The following FAT3 variants were observed in gnomAD, a reference collection of about 807,000 sequenced individuals.
The protein encoded by FAT3 is protocadherin Fat 3.
FAT3 carries 95 observed loss-of-function variants against 310.2 expected under a neutral mutation model. That is an observed-to-expected ratio of 0.31 (90% CI 0.26 to 0.36). The LOEUF (loss-of-function observed/expected upper bound fraction) is 0.36. Ranked by LOEUF, FAT3 falls within the 10% of genes least tolerant of loss-of-function variation. FAT3 has a pLI of 1.00. For synonymous variants in FAT3, 2,314 were observed against 2,192.9 expected (o/e 1.06, Z -1.54); for missense variants, 5,408 against 5,715.6 (o/e 0.95, Z 1.74).
At chr11:92,830,130 A>G (rs1236823904) in intron 13 of FAT3, among the ~76,000 whole-genome samples, 1 of 152,244 alleles carries the variant, frequency 6.6e-6, no homozygotes, top group Admixed American at 6.5e-5. Context: ...AAGGGTATTT[A>G]GGATCAGAAT....
At chr11:92,389,771 T>C (rs1245768120) in intron 2 of FAT3, among the ~76,000 whole-genome samples, 1 of 152,092 alleles carries the variant, frequency 6.6e-6, no homozygotes, top group Non-Finnish European at 1.5e-5. Context: ...ATCACATGAG[T>C]GTCAGGGTAC....
At chr11:92,571,906 G>A (rs997671842) in intron 3 of FAT3, among the ~76,000 whole-genome samples, 7 of 152,176 alleles carry the variant, frequency 4.6e-5, no homozygotes, top group South Asian at 2.1e-4. Flanking sequence ...GGGATGTAGC[G>A]TTTTTGCACT....
At chr11:92,842,930 A>G (rs746000659) in intron 18 of FAT3, among the ~76,000 whole-genome samples, 29 of 152,164 alleles carry the variant, frequency 1.9e-4, no homozygotes, top group Admixed American at 4.6e-4. Context: ...CACATGAAAC[A>G]TCAAGTACTA....
At chr11:92,839,462 T>G (rs1236001655) in intron 17 of FAT3, among the ~76,000 whole-genome samples, 1 of 152,234 alleles carries the variant, frequency 6.6e-6, no homozygotes, top group African/African-American at 2.4e-5. Context: ...AAAAGGACAC[T>G]TGTGAAAAGG....
At chr11:92,452,580 C>T (rs1380734068) in intron 2 of FAT3, among the ~76,000 whole-genome samples, 1 of 152,116 alleles carries the variant, frequency 6.6e-6, no homozygotes, top group African/African-American at 2.4e-5. Context: ...TAAAGTACTA[C>T]AATGGGACCA....
Position 92,831,640 on chromosome 11 carries a change from T to C in FAT3, c.9500T>C (p.Val3167Ala). 6 of 1,612,622 alleles carry C rather than the reference T, an allele frequency of 3.7e-6. No individual in the cohort carries two copies. Among genetic ancestry groups the C allele is most frequent in the Non-Finnish European group, 5.1e-6 (6 of 1,179,576 alleles). Residue 3167 changes from valine (V) to alanine (A), a missense_variant, in exon 14 of 28, where the codon GTG becomes GCG. This residue lies in a region of FAT3 where 4,588 missense variants were observed against 4,809.8 expected (regional missense o/e 0.95). Transcript: ENST00000525166. ...CCCACAGGCATCAATAGGAAGGTCG[T>C]GTACTCCCTGGCAGACTCAGCTGGT... The part of the protein sequence containing the change: ...DPDIGINRKV[V>A]YSLADSAGGV...
intron 1 of FAT3, among the ~76,000 whole-genome samples, chr11:92,298,667 T>C (rs940022179): frequency 1.3e-5 from 2 of 152,118 alleles, no homozygotes; most frequent in African/African-American, 2.4e-5. Flanking sequence ...TAACCCATCA[T>C]ATTAGTAAAG....
At chr11:92,456,565 G>A (rs1273614426) in intron 2 of FAT3, among the ~76,000 whole-genome samples, 1 of 152,208 alleles carries the variant, frequency 6.6e-6, no homozygotes, top group Non-Finnish European at 1.5e-5. Context: ...GATGAACAAG[G>A]TGTGGTGGTG....
intron 1 of FAT3, among the ~76,000 whole-genome samples, chr11:92,305,521 G>A (rs1264597350): frequency 6.6e-6 from 1 of 152,028 alleles, no homozygotes; most frequent in Non-Finnish European, 1.5e-5. Flanking sequence ...TAAGCTAAAA[G>A]GAGAAAATAG....
At chr11:92,425,230 C>T (rs1387112513) in intron 2 of FAT3, among the ~76,000 whole-genome samples, 1 of 151,872 alleles carries the variant, frequency 6.6e-6, no homozygotes, top group Non-Finnish European at 1.5e-5. Flanking sequence ...TTTTTCTGGT[C>T]GCTTTTGAAT....
intron 2 of FAT3, among the ~76,000 whole-genome samples, chr11:92,448,894 C>T (rs1389528269): frequency 6.6e-6 from 1 of 152,170 alleles, no homozygotes; most frequent in Non-Finnish European, 1.5e-5. Context: ...CTACAAGGCT[C>T]ACAGATGTTG....
Position 92,355,327 on chromosome 11 carries a change from C to A in FAT3, c.3215C>A (p.Ser1072Tyr). The change falls in exon 2 of 28, where the codon TCC becomes TAC. Residue 1072 changes from serine to tyrosine, a missense_variant. By Grantham distance (144) the Ser-to-Tyr change is moderately radical. Around this residue, in one of 5 missense-constraint regions of FAT3, gnomAD observed 4,588 missense variants for 4,809.8 expected, o/e 0.95. Coordinates refer to ENST00000525166, the MANE Select transcript of FAT3 (RefSeq NM_001367949.2). The part of the protein sequence containing the change: ...VLQVTARDED[S>Y]GRDGEIQYSI... ...CAGGTGACTGCTCGAGATGAAGACT[C>A]CGGAAGGGATGGAGAGATCCAGTAC... 1 of 1,613,696 alleles carries A rather than the reference C, an allele frequency of 6.2e-7. No homozygotes were observed. Among genetic ancestry groups the A allele is most frequent in the Non-Finnish European group, 8.5e-7 (1 of 1,179,830 alleles).
chr11:92,854,728 T>G (rs906180338), intron 19 of FAT3, among the ~76,000 whole-genome samples: 5 of 152,090 alleles, frequency 3.3e-5, no homozygotes, highest in Non-Finnish European at 7.3e-5. Flanking sequence ...TATCTGGCCC[T>G]TTTTTCCCCC....
At position 92,447,371 on chromosome 11, in the gene FAT3, C is replaced by CT. The variant is rs201289089; in HGVS notation, c.3293-77254dup. On this transcript the variant is annotated intron_variant, in intron 2 of 27. Transcript: ENST00000525166. ...GTTACTTAATCTGCTGGAGTCATAC[C>CT]TTTTTTTTTCCTGTAAGATGAGAAC... 4.0e-5 allele frequency among the ~76,000 whole-genome samples: 6 copies of CT among 150,858 alleles called. No individual in the cohort carries two copies. The South Asian group carries it at 6.3e-4, about 16-fold the overall frequency.
chr11:92,603,223 C>T (rs1940114276), intron 3 of FAT3, among the ~76,000 whole-genome samples: 1 of 152,178 alleles, frequency 6.6e-6, no homozygotes, highest in Non-Finnish European at 1.5e-5. Context: ...CCCCTCTACA[C>T]TGTGGCTGCT....
intron 3 of FAT3, among the ~76,000 whole-genome samples, chr11:92,563,627 T>A (rs1218758672): frequency 6.6e-6 from 1 of 151,970 alleles, no homozygotes; most frequent in Non-Finnish European, 1.5e-5. Flanking sequence ...TTATCCTACT[T>A]CGAAACCCAG....
At position 92,799,471 on chromosome 11, in the gene FAT3, A is replaced by G. The variant is rs746314160; in HGVS notation, c.6458A>G (p.Glu2153Gly). The G allele has an allele frequency of 6.2e-7, 1 of 1,613,686 alleles. No homozygotes were observed. ...EAFNSDLSNI[E>G]YGVTILAKDG... ...TTCAACTCTGACTTGTCCAACATTGAGTATGGAGTCACCATCCTAGCCAAG... is the reference window on the plus strand; with the variant it reads ...TTCAACTCTGACTTGTCCAACATTGGGTATGGAGTCACCATCCTAGCCAAG... Residue 2153 changes from glutamate to glycine, a missense_variant, in exon 10 of 28, where the codon GAG (glutamate) becomes GGG (glycine). Physicochemically the swap from Glu to Gly is moderately conservative, Grantham distance 98 (BLOSUM62 -2). This residue lies in a region of FAT3 where 4,588 missense variants were observed against 4,809.8 expected (regional missense o/e 0.95). Transcript: ENST00000525166.
intron 3 of FAT3, among the ~76,000 whole-genome samples, chr11:92,691,293 G>A (rs1429086212): frequency 6.6e-6 from 1 of 152,170 alleles, no homozygotes; most frequent in Non-Finnish European, 1.5e-5. Flanking sequence ...CAGGTCTCCT[G>A]GCCCCTAGAC....
chr11:92,829,166 G>C (rs1948175301), intron 13 of FAT3, among the ~76,000 whole-genome samples: 1 of 152,170 alleles, frequency 6.6e-6, no homozygotes, highest in Non-Finnish European at 1.5e-5. Flanking sequence ...AGGAAAACAG[G>C]ACTTTGCATG....
Sources: allele counts gnomAD v4.1 joint callset (sites outside exome capture counted in the v4.1 genomes callset), GRCh38; gene constraint gnomAD v4.1.1; regional missense constraint gnomAD v4.1.1; transcripts MANE v1.5; gene names NCBI Gene and HGNC (gene_info 2026-07-23, HGNC 2026-07-21).